The following ARHGAP18 variants were observed in gnomAD, a reference collection of about 807,000 sequenced individuals.
The protein encoded by ARHGAP18 is Rho GTPase activating protein 18, also known as rho GTPase-activating protein 18.
In ARHGAP18, 67 loss-of-function variants were observed where a neutral mutation model predicts 86.2. The observed-to-expected ratio is 0.78, with a 90% CI of 0.64 to 0.95. The LOEUF is 0.95. ARHGAP18 is among the 40% of genes least tolerant of loss of function. The pLI, the probability that ARHGAP18 is intolerant of heterozygous loss-of-function variation, is 0.00. For synonymous variants in ARHGAP18, 283 were observed against 280.4 expected (o/e 1.01, Z -0.09); for missense variants, 691 against 780.4 (o/e 0.89, Z 1.37).
At position 129,589,616 on chromosome 6, in the gene ARHGAP18, G is replaced by A. The variant is rs578104480; in HGVS notation, c.1714-5504C>T. The stretch of plus-strand genomic sequence containing the variant: ...TTATCTTCTTCTGAGCCCTCCAAAC[G>A]GTTCCAACCTCTGCCTGTTACCCAG... On this transcript the variant is annotated intron_variant, in intron 12 of 14. Coordinates refer to ENST00000368149, the MANE Select transcript of ARHGAP18 (RefSeq NM_033515.3). Among the ~76,000 whole-genome samples, 15 of 152,140 alleles carry A rather than the reference G, an allele frequency of 9.9e-5. 1 individual carries two copies. The highest frequency in any genetic ancestry group is 3.4e-3 in the Middle Eastern group (1 of 294).
chr6:129,655,339 AAAG>A (rs1301586703), intron 1 of ARHGAP18, among the ~76,000 whole-genome samples: 48 of 112,918 alleles, frequency 4.3e-4, no homozygotes, highest in Admixed American at 1.4e-3. Flanking sequence ...AAAAAAAAAA[AAAG>A]AAAAGAAAAG....
intron 12 of ARHGAP18, among the ~76,000 whole-genome samples, chr6:129,590,195 C>T (rs918659439): frequency 6.6e-6 from 1 of 152,166 alleles, no homozygotes; most frequent in Non-Finnish European, 1.5e-5. Context: ...TCCTTTAATC[C>T]AATCAAGTTG....
chr6:129,605,880 C>CA lies in ARHGAP18; in HGVS notation c.1361dup (p.Lys455GlufsTer5). On this transcript the variant is annotated frameshift_variant, in exon 10 of 15. Coordinates refer to ENST00000368149, the MANE Select transcript of ARHGAP18 (RefSeq NM_033515.3). LOFTEE classifies it high-confidence loss of function. ...AATGTAAATTAACCAAGCTGACCTT[C>CA]AGTGTGTCCCTGTTTGCATCAGGTA... 1 of 1,612,914 alleles carries CA rather than the reference C, an allele frequency of 6.2e-7. No individual in the cohort carries two copies. The highest frequency in any genetic ancestry group is 8.5e-7 in the Non-Finnish European group (1 of 1,179,092).
intron 3 of ARHGAP18, among the ~76,000 whole-genome samples, chr6:129,637,246 G>A (rs923140928): frequency 6.6e-6 from 1 of 152,082 alleles, no homozygotes; most frequent in African/African-American, 2.4e-5. Context: ...TGCGCTTTTT[G>A]TAGAGATTGG....
At chr6:129,685,237 T>G (rs75900084) in intron 1 of ARHGAP18, among the ~76,000 whole-genome samples, 8,350 of 152,242 alleles carry the variant, frequency 0.055, 484 homozygotes, top group East Asian at 0.16. Flanking sequence ...CTGGGCACAG[T>G]GGCTCACATG....
intron 1 of ARHGAP18, among the ~76,000 whole-genome samples, chr6:129,656,294 T>C (rs535508380): frequency 6.6e-6 from 1 of 152,336 alleles, no homozygotes; most frequent in Admixed American, 6.5e-5. Context: ...GTTGCAGTGC[T>C]CACTGCTAGT....
chr6:129,670,689 T>C (rs922156078), intron 1 of ARHGAP18, among the ~76,000 whole-genome samples: 1 of 34,902 alleles, frequency 2.9e-5, no homozygotes, highest in African/African-American at 2.4e-4. Flanking sequence ...GTCGTAACTC[T>C]TTTTTTTTTT....
intron 8 of ARHGAP18, among the ~76,000 whole-genome samples, chr6:129,609,381 G>A (rs1788931518): frequency 6.6e-6 from 1 of 152,106 alleles, no homozygotes; most frequent in African/African-American, 2.4e-5. Flanking sequence ...ATTACACTTA[G>A]TTAAACTTGT....
chr6:129,640,874 C>A (rs1484498179), intron 2 of ARHGAP18, among the ~76,000 whole-genome samples: 1 of 152,056 alleles, frequency 6.6e-6, no homozygotes, highest in Non-Finnish European at 1.5e-5. Context: ...ATACAACAGA[C>A]AAGAGAATTG....
chr6:129,703,766 A>C (rs1373551477), intron 1 of ARHGAP18, among the ~76,000 whole-genome samples: 1 of 152,246 alleles, frequency 6.6e-6, no homozygotes, highest in East Asian at 1.9e-4. Flanking sequence ...ATGCCTTTAC[A>C]AAGGACTCTT....
chr6:129,702,269 A>G (rs1774724515), intron 1 of ARHGAP18, among the ~76,000 whole-genome samples: 1 of 152,176 alleles, frequency 6.6e-6, no homozygotes, highest in South Asian at 2.1e-4. Context: ...AGCTCACAGC[A>G]ACAAACATGG....
intron 4 of ARHGAP18, among the ~76,000 whole-genome samples, chr6:129,632,218 T>C (rs540896377): frequency 6.6e-6 from 1 of 152,292 alleles, no homozygotes; most frequent in South Asian, 2.1e-4. Context: ...CCAGAACAGG[T>C]GCAATAGGGA....
rs150140455 is a variant in ARHGAP18, at chr6:129,656,355, C to T, written c.114-14337G>A. Among the ~76,000 whole-genome samples the T allele has an allele frequency of 2.0e-3, 307 of 152,250 alleles. 2 individuals carry two copies. The highest frequency in any genetic ancestry group is 7.1e-3 in the African/African-American group (296 of 41,558). On this transcript the variant is annotated intron_variant, in intron 1 of 14. Coordinates refer to ENST00000368149, the MANE Select transcript of ARHGAP18 (RefSeq NM_033515.3). ...AAAAAGTGCTTAAAAATGTCAGTAGCACAGTAGGCCAGGTGCGGTGGCTCA... is the reference window on the plus strand; with the variant it reads ...AAAAAGTGCTTAAAAATGTCAGTAGTACAGTAGGCCAGGTGCGGTGGCTCA...
rs1773384031 is a variant in ARHGAP18, at chr6:129,638,618, CCAATTCTCCCTCTAAGA to C, written c.317-6_327del. 2.5e-6 allele frequency: 4 copies of C among 1,613,898 alleles called. No homozygotes were observed. In the East Asian group the frequency reaches 8.9e-5, roughly 36 times the overall value. ...CCGGCCTCTTTAAGCCACTCTTCTTCCAATTCTCCCTCTAAGACAGTAGAGAAAAGTGGTACTTAAAT... is the reference window on the plus strand; with the variant it reads ...CCGGCCTCTTTAAGCCACTCTTCTTCCAGTAGAGAAAAGTGGTACTTAAAT... On this transcript the variant is annotated splice_acceptor_variant and splice_polypyrimidine_tract_variant and coding_sequence_variant and intron_variant, in exon 3 of 15. Transcript: ENST00000368149. LOFTEE classifies it high-confidence loss of function.
At chr6:129,604,490 C>T (rs1237595561) in intron 10 of ARHGAP18, among the ~76,000 whole-genome samples, 2 of 152,102 alleles carry the variant, frequency 1.3e-5, no homozygotes, top group Non-Finnish European at 2.9e-5. Context: ...ATAGGGTCGT[C>T]AATGAGTAAG....
At chr6:129,587,864 G>A (rs1176570306) in intron 12 of ARHGAP18, among the ~76,000 whole-genome samples, 2 of 152,156 alleles carry the variant, frequency 1.3e-5, no homozygotes, top group African/African-American at 2.4e-5. Flanking sequence ...ACATAATCAT[G>A]CCTTTCCAAC....
rs771253438 is a variant in ARHGAP18 at position 129,608,012 on chromosome 6, G to A, written c.1163C>T (p.Thr388Ile). ...QELEAKFYEG[T>I]FNWESVKQHD... ...CTGTTTGACACTTTCCCAATTAAAA[G>A]TCCCTTCATAAAACTTTGCTTCTAG... is the stretch of plus-strand genomic sequence containing the variant. The change falls in exon 9 of 15, where the codon ACT becomes ATT. Residue 388 changes from threonine to isoleucine, a missense_variant. Physicochemically the swap from Thr to Ile is moderately conservative, Grantham distance 89 (BLOSUM62 -1). Transcript: ENST00000368149. The A allele has an allele frequency of 2.6e-6, 4 of 1,518,018 alleles. No individual in the cohort carries two copies. The highest frequency in any genetic ancestry group is 3.6e-6 in the Non-Finnish European group (4 of 1,124,290). The allele number at this position is 1,518,018 out of a possible 1,614,324, so 94.0% of individuals were successfully genotyped here.
chr6:129,709,975 T>G (rs1774877817), intron 1 of ARHGAP18, 49 bp downstream of exon 1: 1 of 1,460,212 alleles, frequency 6.8e-7, no homozygotes, highest in African/African-American at 1.4e-5. Context: ...ACTTTCTTCC[T>G]GGAGCAGGTA....
chr6:129,643,300 G>C (rs1250798725), intron 1 of ARHGAP18, among the ~76,000 whole-genome samples: 1 of 152,088 alleles, frequency 6.6e-6, no homozygotes, highest in Non-Finnish European at 1.5e-5. Context: ...GACCCAACAG[G>C]AGGTAATTTA....
Sources: allele counts gnomAD v4.1 joint callset (sites outside exome capture counted in the v4.1 genomes callset), GRCh38; gene constraint gnomAD v4.1.1; transcripts MANE v1.5; gene names NCBI Gene and HGNC (gene_info 2026-07-23, HGNC 2026-07-21).